The following MYO1B variants were observed in gnomAD, a reference collection of about 807,000 sequenced individuals.
MYO1B encodes the protein unconventional myosin-Ib.
Under a neutral mutation model 159.7 loss-of-function variants are expected in MYO1B, and 72 were observed. The ratio of observed to expected loss-of-function variants is 0.45; its 90% CI spans 0.37 to 0.55. MYO1B has a LOEUF of 0.55. Ranked by LOEUF, MYO1B falls within the 20% of genes least tolerant of loss-of-function variation. The probability of loss-of-function intolerance (pLI) is 0.00; values close to 1 mark genes in which losing one functional copy is unlikely to be tolerated. For missense variants in MYO1B, 1,062 were observed against 1,364.8 expected, an observed-to-expected ratio of 0.78 and a Z score of 3.50; for synonymous variants, 468 against 473.8, an observed-to-expected ratio of 0.99 and a Z score of 0.16.
intron 24 of MYO1B, among the ~76,000 whole-genome samples, chr2:191,403,681 T>G (rs996873934): frequency 6.6e-6 from 1 of 152,226 alleles, no homozygotes; most frequent in Non-Finnish European, 1.5e-5. Flanking sequence ...AATTTCAGCC[T>G]ATAAACTTTA....
At chr2:191,374,054 A>C (rs1390002351) in intron 13 of MYO1B, among the ~76,000 whole-genome samples, 1 of 152,236 alleles carries the variant, frequency 6.6e-6, no homozygotes, top group East Asian at 1.9e-4. Context: ...AGAGTTACAG[A>C]CGTGTTTTTC....
Position 191,381,459 on chromosome 2 carries a change from C to G in MYO1B, c.1186-3C>G. 1 of 1,610,378 alleles carries G rather than the reference C, an allele frequency of 6.2e-7. No individual in the cohort carries two copies. Among genetic ancestry groups the G allele is most frequent in the Non-Finnish European group, 8.5e-7 (1 of 1,176,836 alleles). On this transcript the variant is annotated splice_polypyrimidine_tract_variant and splice_region_variant and intron_variant, in intron 13 of 30. Coordinates refer to ENST00000392318, the MANE Select transcript of MYO1B (RefSeq NM_001130158.3). ...AAAGCTGTTTTTCATTTTCTCCATA[C>G]AGGACAACAGCTTTGAGCAGTTCAT...
chr2:191,368,737 G>A (rs1294467655), intron 11 of MYO1B, among the ~76,000 whole-genome samples: 6 of 152,154 alleles, frequency 3.9e-5, no homozygotes, highest in African/African-American at 1.4e-4. Flanking sequence ...ACTTTGGGAG[G>A]CTGAGGTGGG....
chr2:191,385,681 C>G (rs942742153), intron 15 of MYO1B, among the ~76,000 whole-genome samples: 3 of 152,200 alleles, frequency 2.0e-5, no homozygotes, highest in Admixed American at 6.5e-5. Context: ...TTCCCAACCA[C>G]ACCACCATAC....
chr2:191,400,582 G>A lies in MYO1B; in HGVS notation c.2382+114G>A, dbSNP rs867779883. ...CACTGGCTTGAGCTACTGAGCACGT[G>A]TTTGCTTCTTGCTCTTTCCAACATT... On this transcript the variant is annotated intron_variant, in intron 22 of 30. Coordinates refer to ENST00000392318, the MANE Select transcript of MYO1B (RefSeq NM_001130158.3). 110 of 1,385,428 alleles carry A rather than the reference G, an allele frequency of 7.9e-5. 1 individual carries two copies. In the Middle Eastern group the frequency reaches 7.6e-3, roughly 96 times the overall value. 85.8% of individuals were successfully genotyped at this position (1,385,428 alleles called of 1,614,324 possible).
At chr2:191,396,583 G>T in intron 21 of MYO1B, 86 bp downstream of exon 21, 4 of 1,325,984 alleles carry the variant, frequency 3.0e-6, no homozygotes, top group Non-Finnish European at 4.3e-6. Context: ...CCCTGCAGAG[G>T]AGGGGCTCCT....
intron 4 of MYO1B, among the ~76,000 whole-genome samples, chr2:191,339,811 C>T (rs905692869): frequency 7.9e-5 from 12 of 152,186 alleles, no homozygotes; most frequent in Non-Finnish European, 1.0e-4. Flanking sequence ...TTCAGTGGCT[C>T]CTATTGGTTG....
At chr2:191,249,040 A>G (rs1324753626) in intron 1 of MYO1B, among the ~76,000 whole-genome samples, 1 of 152,248 alleles carries the variant, frequency 6.6e-6, no homozygotes, top group East Asian at 1.9e-4. Context: ...TTAGGTTGCC[A>G]ACATTTAAAA....
chr2:191,254,709 C>A (rs546039800), intron 1 of MYO1B, among the ~76,000 whole-genome samples: 1 of 152,080 alleles, frequency 6.6e-6, no homozygotes, highest in South Asian at 2.1e-4. Flanking sequence ...TCTCATTGGT[C>A]CCAGGCTCCT....
At chr2:191,397,763 G>A (rs2126122240) in intron 21 of MYO1B, among the ~76,000 whole-genome samples, 1 of 145,248 alleles carries the variant, frequency 6.9e-6, no homozygotes, top group East Asian at 2.2e-4. Flanking sequence ...TTCCCAGTAG[G>A]GGCGGCCGGG....
intron 3 of MYO1B, among the ~76,000 whole-genome samples, chr2:191,325,031 C>T (rs1313106751): frequency 1.3e-5 from 2 of 152,206 alleles, no homozygotes; most frequent in Admixed American, 6.5e-5. Flanking sequence ...ACACACCATA[C>T]ATAATTCCCT....
intron 17 of MYO1B, 137 bp from the exon 18 acceptor site, chr2:191,390,155 C>A: frequency 1.3e-6 from 1 of 753,844 alleles, no homozygotes; most frequent in Non-Finnish European, 2.0e-6. Flanking sequence ...GAAATAATTT[C>A]AAAAGTAATG....
At chr2:191,371,999 G>A (rs1023747929) in intron 13 of MYO1B, among the ~76,000 whole-genome samples, 22 of 152,206 alleles carry the variant, frequency 1.4e-4, no homozygotes, top group African/African-American at 5.3e-4. Context: ...AATCACTGCC[G>A]AAATTAATTT....
intron 7 of MYO1B, among the ~76,000 whole-genome samples, chr2:191,359,083 C>T (rs374901193): frequency 4.6e-5 from 7 of 152,220 alleles, no homozygotes; most frequent in African/African-American, 1.7e-4. Context: ...CTGCCCATGC[C>T]CTGTGGGTTT....
rs576736904 is a variant in MYO1B at position 191,280,340 on chromosome 2, GTCATTCTGCTT to G, written c.135+3314_135+3324del. Among the ~76,000 whole-genome samples, 5 of 152,354 alleles carry G rather than the reference GTCATTCTGCTT, an allele frequency of 3.3e-5. No individual in the cohort carries two copies. The South Asian group carries it at 1.0e-3, about 32-fold the overall frequency. ...CATTTATTCACCTGAAAATCCAGAA[GTCATTCTGCTT>G]TCACAATTGGTTTGATTTAGTGGCT... On this transcript the variant is annotated intron_variant, in intron 2 of 30. Coordinates refer to ENST00000392318, the MANE Select transcript of MYO1B (RefSeq NM_001130158.3).
intron 16 of MYO1B, among the ~76,000 whole-genome samples, chr2:191,386,665 A>G (rs949643847): frequency 1.3e-5 from 2 of 152,144 alleles, no homozygotes; most frequent in African/African-American, 2.4e-5. Flanking sequence ...TAAAATTGCA[A>G]ACTTCAAAGG....
chr2:191,410,196 T>C (rs1006914821), intron 26 of MYO1B, among the ~76,000 whole-genome samples: 6 of 152,196 alleles, frequency 3.9e-5, no homozygotes, highest in African/African-American at 1.4e-4. Flanking sequence ...GCTGGGGATC[T>C]GCACCACCTC....
chr2:191,282,555 T>C (rs4487112), intron 2 of MYO1B, among the ~76,000 whole-genome samples: 2,196 of 152,354 alleles, frequency 0.014, 53 homozygotes, highest in African/African-American at 0.05. Flanking sequence ...CAGCCAGACA[T>C]ATCATAAAAA....
chr2:191,334,590 G>C (rs546676515), intron 4 of MYO1B, among the ~76,000 whole-genome samples: 3 of 151,972 alleles, frequency 2.0e-5, no homozygotes, highest in Non-Finnish European at 4.4e-5. Context: ...TCTTCTCCTT[G>C]TCATCTTCCC....
Sources: allele counts gnomAD v4.1 joint callset (sites outside exome capture counted in the v4.1 genomes callset), GRCh38; gene constraint gnomAD v4.1.1; transcripts MANE v1.5; gene names NCBI Gene and HGNC (gene_info 2026-07-23, HGNC 2026-07-21).